RRM2: variants seen among roughly 807,000 people sequenced by gnomAD.
RRM2 encodes ribonucleotide reductase regulatory subunit M2, also known as ribonucleoside-diphosphate reductase subunit M2.
A neutral mutation model predicts 45.9 loss-of-function variants in RRM2; 6 were observed. The ratio of observed to expected loss-of-function variants is 0.13; its 90% CI spans 0.07 to 0.26. The LOEUF (loss-of-function observed/expected upper bound fraction) is 0.26, where lower values mean the gene tolerates loss of function less well. RRM2 is among the 10% of genes least tolerant of loss of function. The pLI is 1.00. For synonymous variants in RRM2, 177 were observed against 173.0 expected (o/e 1.02, Z -0.18); for missense variants, 343 against 489.5 (o/e 0.70, Z 2.82).
rs750335131 is a variant in RRM2 at position 10,123,709 on chromosome 2, G to T, written c.319-27G>T. The stretch of plus-strand genomic sequence containing the variant: ...GTAGGCTTTACTCTCTTCCTTTTAT[G>T]CTAAAATTGTGACTTCCGAACCTCA... On this transcript the variant is annotated intron_variant, in intron 3 of 9. Coordinates refer to ENST00000304567, the MANE Select transcript of RRM2 (RefSeq NM_001034.4). 6.1e-6 allele frequency: 9 copies of T among 1,478,024 alleles called. No homozygotes were observed. The South Asian group carries it at 1.0e-4, about 17-fold the overall frequency. The allele number at this position is 1,478,024 out of a possible 1,614,324, so 91.6% of individuals were successfully genotyped here. A position where few individuals can be genotyped will look rare whatever the true frequency, so the allele number is the denominator to read the frequency against.
At chr2:10,126,623 C>G in intron 5 of RRM2, 1 of 508,740 alleles carries the variant, frequency 2.0e-6, no homozygotes. Context: ...TCTGTAGACC[C>G]TGAAGCTCAA....
chr2:10,135,796 C>G (rs1207648347), downstream of RRM2, among the ~76,000 whole-genome samples: 1 of 152,066 alleles, frequency 6.6e-6, no homozygotes, highest in Non-Finnish European at 1.5e-5. Flanking sequence ...ATGATTGTTC[C>G]TCTGGGAAAA....
At chr2:10,142,542 A>G (rs985583538) in intron 3 of RRM2, among the ~76,000 whole-genome samples, 1 of 1,278 alleles carries the variant, frequency 7.8e-4, no homozygotes, top group Non-Finnish European at 1.3e-3. Flanking sequence ...ACGTGTGGCC[A>G]GGCGGGGGAG....
At position 10,131,271 on chromosome 2, in the gene RRM2, C is replaced by T. The variant is rs915482402; in HGVS notation, c.*1885C>T. 6.6e-6 allele frequency: 1 copy of T among 152,188 alleles called. No homozygotes were observed. The highest frequency in any genetic ancestry group is 2.4e-5 in the African/African-American group (1 of 41,446). The allele number at this position is 152,188 out of a possible 1,614,324, so 9.4% of individuals were successfully genotyped here. On this transcript the variant is annotated 3_prime_UTR_variant, in exon 10 of 10. Coordinates refer to ENST00000304567, the MANE Select transcript of RRM2 (RefSeq NM_001034.4). ...TTGGAATCAGGTTTTAGGATTCTGT[C>T]TCTCATTAGCTGAATAATGTGAGGA...
intron 3 of RRM2, among the ~76,000 whole-genome samples, chr2:10,189,354 A>G (rs1664236561): frequency 6.6e-6 from 1 of 152,216 alleles, no homozygotes; most frequent in Admixed American, 6.5e-5. Flanking sequence ...CGGAGGAGAC[A>G]GGAATGGCTC....
At chr2:10,186,254 TCTC>T (rs1199489458) in intron 3 of RRM2, among the ~76,000 whole-genome samples, 3 of 151,946 alleles carry the variant, frequency 2.0e-5, no homozygotes, top group Admixed American at 2.0e-4. Flanking sequence ...CTGAGGCAAT[TCTC>T]CTGCCTCAGC....
chr2:10,167,503 C>T (rs989990775), intron 3 of RRM2, among the ~76,000 whole-genome samples: 1 of 152,204 alleles, frequency 6.6e-6, no homozygotes, highest in Non-Finnish European at 1.5e-5. Flanking sequence ...TGTCAGGGCT[C>T]TGCACGCTGC....
intron 3 of RRM2, among the ~76,000 whole-genome samples, chr2:10,177,240 C>T (rs994825146): frequency 6.9e-6 from 1 of 145,646 alleles, no homozygotes; most frequent in Admixed American, 7.0e-5. Flanking sequence ...AGCGAGATTT[C>T]GCTTCAATAA....
intron 3 of RRM2, among the ~76,000 whole-genome samples, chr2:10,181,754 CTTTTTTTT>C (rs869117515): frequency 1.7e-5 from 1 of 57,244 alleles, no homozygotes; most frequent in African/African-American, 5.8e-5. Flanking sequence ...CTCTCTCTCT[CTTTTTTTT>C]TTTTTTTTTT....
At chr2:10,210,473 G>C (rs7423163) in exon 4 of RRM2, 103,060 of 1,367,754 alleles carry the variant, frequency 0.075, 4,402 homozygotes, top group Non-Finnish European at 0.088. Context: ...TTATCTGGGT[G>C]GGAACTCACC....
chr2:10,162,439 T>C (rs1208008874), intron 3 of RRM2, among the ~76,000 whole-genome samples: 1 of 152,078 alleles, frequency 6.6e-6, no homozygotes, highest in Non-Finnish European at 1.5e-5. Flanking sequence ...TTCTTGGCTG[T>C]GTGACGTCTG....
rs1476720489 is a variant in RRM2, at chr2:10,127,104, T to C, written c.682T>C (p.Phe228Leu). 1.2e-6 allele frequency: 2 copies of C among 1,614,120 alleles called. No homozygotes were observed. The highest frequency in any genetic ancestry group is 1.7e-6 in the Non-Finnish European group (2 of 1,180,056). ...EATYGERVVA[F>L]AAVEGIFFSG... ...CTAAATAGGTGAACGTGTTGTAGCCTTTGCTGCAGTGGAAGGCATTTTCTT... is the reference window on the plus strand; with the variant it reads ...CTAAATAGGTGAACGTGTTGTAGCCCTTGCTGCAGTGGAAGGCATTTTCTT... The change falls in exon 7 of 10, where the codon TTT (phenylalanine) becomes CTT (leucine). Residue 228 changes from phenylalanine (F) to leucine (L), a missense_variant. Physicochemically the swap from Phe to Leu is conservative, Grantham distance 22. This residue lies in a region of RRM2 where 212 missense variants were observed against 368.1 expected (regional missense o/e 0.58). Coordinates refer to ENST00000304567, the MANE Select transcript of RRM2 (RefSeq NM_001034.4). The surrounding 1 kb of genome is among the most constrained non-coding windows in gnomAD (Gnocchi z 4.1).
rs527989993 is a variant in RRM2, at chr2:10,199,557, G to A, written n.483-10754G>A. Among the ~76,000 whole-genome samples, 17 of 151,806 alleles carry A rather than the reference G, an allele frequency of 1.1e-4. 1 individual carries two copies. The South Asian group carries it at 1.5e-3, about 13-fold the overall frequency. ...AGCACTTTGGGAGGCCGAGGTGGGCGGATCACAAGGTCAGGAGATCAAGAC... is the reference window on the plus strand; with the variant it reads ...AGCACTTTGGGAGGCCGAGGTGGGCAGATCACAAGGTCAGGAGATCAAGAC... On this transcript the variant is annotated intron_variant and non_coding_transcript_variant, in intron 3 of 3. Transcript: ENST00000381786.
At chr2:10,159,203 C>T (rs1373027679) in intron 3 of RRM2, among the ~76,000 whole-genome samples, 1 of 152,156 alleles carries the variant, frequency 6.6e-6, no homozygotes, top group African/African-American at 2.4e-5. Context: ...TGGAGACACC[C>T]TTAGCCCAAA....
chr2:10,128,837 T>A lies in RRM2; in HGVS notation c.799-11T>A. On this transcript the variant is annotated splice_polypyrimidine_tract_variant and intron_variant, in intron 7 of 9. Transcript: ENST00000304567. ...CTTCTGGCTTTAGTGATCTTGAACT[T>A]TTTTTTCTAGGGTTTACACTGTGAT... 6.2e-7 allele frequency: 1 copy of A among 1,609,600 alleles called. No individual in the cohort carries two copies.
Position 10,130,674 on chromosome 2 carries a change from G to A in RRM2, c.*1288G>A, listed in dbSNP as rs192657663. 3 of 148,310 alleles carry A rather than the reference G, an allele frequency of 2.0e-5. No individual in the cohort carries two copies. The highest frequency in any genetic ancestry group is 3.0e-5 in the Non-Finnish European group (2 of 67,632). The allele number at this position is 148,310 out of a possible 1,614,324, so 9.2% of individuals were successfully genotyped here. A position where few individuals can be genotyped will look rare whatever the true frequency, so the allele number is the denominator to read the frequency against. ...AGATGGAGTCTCGCTCTGTTGCCCA[G>A]GCTGGAGTGCAGTGGCGCGATTTTG... is the stretch of plus-strand genomic sequence containing the variant. On this transcript the variant is annotated 3_prime_UTR_variant, in exon 10 of 10. Coordinates refer to ENST00000304567, the MANE Select transcript of RRM2 (RefSeq NM_001034.4).
exon 1 of RRM2, chr2:10,141,512 C>A: frequency 3.3e-6 from 1 of 301,788 alleles, no homozygotes; most frequent in Non-Finnish European, 6.4e-6. Flanking sequence ...TCACTGCCAG[C>A]AGAGGTCTGG....
chr2:10,163,233 G>C (rs935158256), intron 3 of RRM2, among the ~76,000 whole-genome samples: 1 of 152,058 alleles, frequency 6.6e-6, no homozygotes, highest in African/African-American at 2.4e-5. Flanking sequence ...TTAGCTCTTG[G>C]CTGCAGGGAG....
intron 3 of RRM2, among the ~76,000 whole-genome samples, chr2:10,166,896 A>G (rs1663694137): frequency 6.6e-6 from 1 of 152,154 alleles, no homozygotes; most frequent in Admixed American, 6.5e-5. Flanking sequence ...CGGGGTTGGG[A>G]GCGTGGCAAT....
Sources: gnomAD v4.1 joint callset for allele counts (sites outside exome capture counted in the v4.1 genomes callset) on GRCh38, gnomAD v4.1.1 for gene constraint, gnomAD v4.1.1 regional missense constraint, Gnocchi (gnomAD v3.1) non-coding constraint, MANE v1.5 for transcripts, NCBI Gene and HGNC (gene_info 2026-07-23, HGNC 2026-07-21) for gene names.